The following OLFM3 variants were observed in gnomAD, a reference collection of about 807,000 sequenced individuals.
OLFM3 encodes noelin-3.
A neutral mutation model predicts 48.6 loss-of-function variants in OLFM3; 20 were observed. The observed-to-expected ratio is 0.41, with a 90% CI of 0.29 to 0.60. The LOEUF is 0.60. Among genes scored for constraint, OLFM3 ranks in the 20% least tolerant of loss-of-function variants. The probability of loss-of-function intolerance (pLI) is 0.28; values close to 1 mark genes in which losing one functional copy is unlikely to be tolerated. For synonymous variants in OLFM3, 222 were observed against 198.1 expected (o/e 1.12, Z -1.01); for missense variants, 437 against 544.3 (o/e 0.80, Z 1.96).
intron 1 of OLFM3, among the ~76,000 whole-genome samples, chr1:101,899,130 C>T (rs1658305586): frequency 6.6e-6 from 1 of 152,174 alleles, no homozygotes; most frequent in Non-Finnish European, 1.5e-5. Context: ...CTCACAAGTC[C>T]ACAGTCAAGA....
chr1:101,879,921 G>C (rs1261910366), intron 1 of OLFM3, among the ~76,000 whole-genome samples: 1 of 151,740 alleles, frequency 6.6e-6, no homozygotes, highest in Admixed American at 6.6e-5. Context: ...TGATGAAAAA[G>C]CTCACAACAT....
At chr1:101,937,175 T>C (rs539325505) in intron 1 of OLFM3, among the ~76,000 whole-genome samples, 2 of 152,202 alleles carry the variant, frequency 1.3e-5, no homozygotes, top group Non-Finnish European at 2.9e-5. Context: ...CCAATCAGAG[T>C]GATCCCCAAA....
chr1:101,971,961 ATATAAC>A (rs1324817306), intron 1 of OLFM3, among the ~76,000 whole-genome samples: 1 of 151,628 alleles, frequency 6.6e-6, no homozygotes, highest in Non-Finnish European at 1.5e-5. Context: ...TATGTATTAT[ATATAAC>A]TATAATATAT....
chr1:101,983,570 T>C (rs555287848), intron 1 of OLFM3, among the ~76,000 whole-genome samples: 24 of 152,362 alleles, frequency 1.6e-4, no homozygotes, highest in African/African-American at 5.3e-4. Context: ...GCTGTAAGTA[T>C]TTATTGAAAA....
intron 1 of OLFM3, among the ~76,000 whole-genome samples, chr1:101,913,792 G>A (rs1433864722): frequency 1.3e-5 from 2 of 151,832 alleles, no homozygotes; most frequent in Non-Finnish European, 2.9e-5. Flanking sequence ...CATTAAGACT[G>A]GAAATCATCT....
chr1:101,948,391 A>T (rs1200869186), intron 1 of OLFM3, among the ~76,000 whole-genome samples: 3 of 152,098 alleles, frequency 2.0e-5, no homozygotes, highest in Non-Finnish European at 4.4e-5. Context: ...ATTATCAGAG[A>T]AGATTTAAGG....
intron 1 of OLFM3, among the ~76,000 whole-genome samples, chr1:101,906,711 C>A (rs1248779057): frequency 6.6e-6 from 1 of 152,160 alleles, no homozygotes; most frequent in African/African-American, 2.4e-5. Flanking sequence ...ATTACACAGT[C>A]TTGACAAAAG....
At chr1:101,900,679 G>A (rs1291995348) in intron 1 of OLFM3, among the ~76,000 whole-genome samples, 3 of 151,996 alleles carry the variant, frequency 2.0e-5, no homozygotes, top group Non-Finnish European at 4.4e-5. Flanking sequence ...TAGTGGATTG[G>A]AAAGCTAAAT....
intron 1 of OLFM3, among the ~76,000 whole-genome samples, chr1:101,909,817 A>G (rs1009694491): frequency 6.6e-6 from 1 of 151,928 alleles, no homozygotes; most frequent in African/African-American, 2.4e-5. Context: ...TTCTGAAATA[A>G]TTGCTTTTGG....
chr1:101,940,424 AT>A (rs1455126788), intron 1 of OLFM3, among the ~76,000 whole-genome samples: 1 of 147,530 alleles, frequency 6.8e-6, no homozygotes, highest in East Asian at 2.0e-4. Context: ...CTAGGCCTTG[AT>A]TTTTTAAAAT....
chr1:101,855,405 G>A (rs1044194107), intron 1 of OLFM3, among the ~76,000 whole-genome samples: 1 of 152,052 alleles, frequency 6.6e-6, no homozygotes, highest in Non-Finnish European at 1.5e-5. Flanking sequence ...TCAGATCCCA[G>A]ATAGTGTGTT....
intron 1 of OLFM3, among the ~76,000 whole-genome samples, chr1:101,975,792 T>C (rs1660937277): frequency 6.6e-6 from 1 of 152,254 alleles, no homozygotes; most frequent in South Asian, 2.1e-4. Context: ...CAGAGGCTAC[T>C]ATCTTGAGGA....
rs1268174464 is a variant in OLFM3 at position 101,827,915 on chromosome 1, T to G, written c.373-2670A>C. Among the ~76,000 whole-genome samples, 4 of 152,276 alleles carry G rather than the reference T, an allele frequency of 2.6e-5. No individual in the cohort carries two copies. In the East Asian group the frequency reaches 7.7e-4, roughly 29 times the overall value. ...TGGGAGGGACCAGGTGAAAGGTGAT[T>G]GTATCATGGGGGTGGTTTCCCCCAT... On this transcript the variant is annotated intron_variant, in intron 3 of 5. Coordinates refer to ENST00000370103, the MANE Select transcript of OLFM3 (RefSeq NM_058170.4).
At position 101,863,918 on chromosome 1, in the gene OLFM3, C is replaced by T. The variant is rs115150128; in HGVS notation, c.70-26893G>A. 8.9e-3 allele frequency among the ~76,000 whole-genome samples: 1,351 copies of T among 152,230 alleles called. 18 individuals carry two copies. The highest frequency in any genetic ancestry group is 0.031 in the African/African-American group (1,292 of 41,516). ...AAATCTCATTAAAGATTCACTATCC[C>T]TAACTGCTATTGGCTCCCAGACAAT... On this transcript the variant is annotated intron_variant, in intron 1 of 5. Transcript: ENST00000370103.
chr1:101,925,996 T>C (rs1390350768), intron 1 of OLFM3, among the ~76,000 whole-genome samples: 4 of 152,150 alleles, frequency 2.6e-5, no homozygotes, highest in African/African-American at 9.7e-5. Flanking sequence ...CTGACATGAG[T>C]GTCAAGGATG....
intron 1 of OLFM3, among the ~76,000 whole-genome samples, chr1:101,994,632 A>T (rs1661508108): frequency 6.7e-6 from 1 of 149,602 alleles, no homozygotes; most frequent in Non-Finnish European, 1.5e-5. Flanking sequence ...TTAATACAAA[A>T]GTAGCTTCTC....
intron 1 of OLFM3, among the ~76,000 whole-genome samples, chr1:101,917,708 C>T (rs1012895133): frequency 6.6e-6 from 1 of 152,190 alleles, no homozygotes; most frequent in Non-Finnish European, 1.5e-5. Flanking sequence ...TGAGCCACAA[C>T]GTCCAGCCCA....
chr1:101,982,371 A>G (rs12026703), intron 1 of OLFM3, among the ~76,000 whole-genome samples: 37,671 of 152,092 alleles, frequency 0.25, 5,238 homozygotes, highest in Middle Eastern at 0.36. Flanking sequence ...TAAATAGATC[A>G]TCCATAGCTA....
At chr1:101,868,272 G>A (rs1656936612) in intron 1 of OLFM3, among the ~76,000 whole-genome samples, 1 of 152,140 alleles carries the variant, frequency 6.6e-6, no homozygotes, top group South Asian at 2.1e-4. Context: ...AAGAAGATAT[G>A]AACACGTAGA....
Sources: gnomAD v4.1 joint callset for allele counts (sites outside exome capture counted in the v4.1 genomes callset) on GRCh38, gnomAD v4.1.1 for gene constraint, MANE v1.5 for transcripts, NCBI Gene and HGNC (gene_info 2026-07-23, HGNC 2026-07-21) for gene names.